SBF2: variants seen among roughly 807,000 people sequenced by gnomAD.
The protein encoded by SBF2 is SET binding factor 2.
Under a neutral mutation model 225.2 loss-of-function variants are expected in SBF2, and 112 were observed. The ratio of observed to expected loss-of-function variants is 0.50; its 90% CI spans 0.43 to 0.58. The LOEUF is 0.58. Ranked by LOEUF, SBF2 falls within the 20% of genes least tolerant of loss-of-function variation. SBF2 has a pLI of 0.00. For synonymous variants in SBF2, 763 were observed against 773.3 expected (o/e 0.99, Z 0.22); for missense variants, 1,996 against 2,206.2 (o/e 0.90, Z 1.91).
Position 9,795,938 on chromosome 11 carries a change from G to T in SBF2, c.4463C>A (p.Thr1488Asn). 6.2e-7 allele frequency: 1 copy of T among 1,613,374 alleles called. No homozygotes were observed. The highest frequency in any genetic ancestry group is 8.5e-7 in the Non-Finnish European group (1 of 1,179,874). The change falls in exon 33 of 40, where the codon ACT becomes AAT. Residue 1488 changes from threonine (T) to asparagine (N), a missense_variant. Thr to Asn is a moderately conservative substitution (Grantham distance 65, BLOSUM62 0). Transcript: ENST00000256190. The stretch of plus-strand genomic sequence containing the variant: ...GTAATAGAGATTGAATTCAAACTCA[G>T]TTGGATACTGGTTGTGAACCTGAAA... ...CVHQVHNQYP[T>N]EFEFNLYYLK...
At chr11:9,996,436 C>A (rs1054966934) in intron 9 of SBF2, among the ~76,000 whole-genome samples, 20 of 152,214 alleles carry the variant, frequency 1.3e-4, no homozygotes, top group African/African-American at 4.6e-4. Context: ...GTCACCCAGG[C>A]TGGAGTGCAG....
chr11:9,798,860 G>C (rs2133878235), intron 32 of SBF2, among the ~76,000 whole-genome samples: 1 of 150,608 alleles, frequency 6.6e-6, no homozygotes, highest in African/African-American at 2.4e-5. Context: ...GCTGAGGCAA[G>C]AGAATGGCAT....
chr11:10,060,310 C>T (rs1460553103), intron 2 of SBF2, among the ~76,000 whole-genome samples: 1 of 152,126 alleles, frequency 6.6e-6, no homozygotes, highest in African/African-American at 2.4e-5. Context: ...GACACATATA[C>T]CCTCCCAAGA....
chr11:9,834,162 G>A (rs1165899580), intron 26 of SBF2, among the ~76,000 whole-genome samples: 12 of 145,178 alleles, frequency 8.3e-5, no homozygotes, highest in Non-Finnish European at 1.5e-4. Flanking sequence ...GTGCGATCTT[G>A]GCTCACTGCA....
At chr11:9,852,864 T>TA (rs987987903) in intron 20 of SBF2, 115 bp from the exon 21 acceptor site, 1 of 811,414 alleles carries the variant, frequency 1.2e-6, no homozygotes, top group Non-Finnish European at 2.1e-6. Context: ...TCAAAAAAGT[T>TA]AAAGAGAATT....
chr11:10,028,677 TA>T, intron 5 of SBF2, 120 bp from the exon 6 acceptor site: 1 of 737,576 alleles, frequency 1.4e-6, no homozygotes, highest in Non-Finnish European at 2.4e-6. Flanking sequence ...AATTAACAGA[TA>T]CAAAAGGCAA....
intron 35 of SBF2, among the ~76,000 whole-genome samples, 179 bp downstream of exon 35, chr11:9,788,928 CTT>C (rs905474832): frequency 6.6e-6 from 1 of 152,130 alleles, no homozygotes; most frequent in Non-Finnish European, 1.5e-5. Context: ...TATTGAGACT[CTT>C]TTCCAGTAGT....
At chr11:9,867,796 C>G (rs1858356997) in intron 17 of SBF2, among the ~76,000 whole-genome samples, 1 of 152,030 alleles carries the variant, frequency 6.6e-6, no homozygotes, top group Admixed American at 6.6e-5. Context: ...TCACACATAT[C>G]TGGGAGCAAA....
chr11:10,213,458 G>A (rs1958013677), intron 1 of SBF2, among the ~76,000 whole-genome samples: 1 of 152,198 alleles, frequency 6.6e-6, no homozygotes, highest in African/African-American at 2.4e-5. Context: ...AATAGATTCA[G>A]CCCAAACTAA....
intron 1 of SBF2, among the ~76,000 whole-genome samples, chr11:10,276,829 G>GA (rs1298759353): frequency 6.6e-6 from 1 of 152,080 alleles, no homozygotes; most frequent in African/African-American, 2.4e-5. Context: ...TAGATCCCAA[G>GA]AAAGTATCTA....
intron 1 of SBF2, among the ~76,000 whole-genome samples, chr11:10,224,352 T>C: frequency 6.6e-6 from 1 of 152,126 alleles, no homozygotes; most frequent in Non-Finnish European, 1.5e-5. Context: ...CCAGCCACCA[T>C]CACTTCTTAT....
intron 6 of SBF2, 68 bp downstream of exon 6, chr11:10,028,384 G>T: frequency 2.0e-6 from 2 of 976,414 alleles, no homozygotes; most frequent in East Asian, 4.8e-5. Flanking sequence ...AGGTGATGTC[G>T]ACTTAAAATA....
At chr11:10,159,573 T>C (rs59107366) in intron 2 of SBF2, among the ~76,000 whole-genome samples, 1,688 of 152,282 alleles carry the variant, frequency 0.011, 38 homozygotes, top group African/African-American at 0.038. Context: ...TCAGCACTCT[T>C]GGCTCACTGG....
At chr11:10,004,582 A>AC (rs1554981717) in intron 6 of SBF2, among the ~76,000 whole-genome samples, 1 of 148,392 alleles carries the variant, frequency 6.7e-6, no homozygotes, top group East Asian at 2.0e-4. Context: ...ATTAAAAAAA[A>AC]AAAAAAAAAA....
chr11:10,057,357 C>A (rs376390301), intron 2 of SBF2, among the ~76,000 whole-genome samples: 3 of 152,288 alleles, frequency 2.0e-5, no homozygotes, highest in East Asian at 3.9e-4. Flanking sequence ...CCCTTGTCAC[C>A]CTTGGACTAA....
intron 16 of SBF2, among the ~76,000 whole-genome samples, chr11:9,954,440 C>T (rs1375659307): frequency 6.6e-6 from 1 of 152,108 alleles, no homozygotes; most frequent in Non-Finnish European, 1.5e-5. Context: ...CTAACAAATC[C>T]CAAGTGGGTG....
At chr11:10,090,379 A>G (rs1384041163) in intron 2 of SBF2, among the ~76,000 whole-genome samples, 3 of 152,350 alleles carry the variant, frequency 2.0e-5, no homozygotes, top group African/African-American at 7.2e-5. Context: ...TAGTGAAGGA[A>G]GAGTTGACAG....
chr11:10,098,597 C>G (rs1229578398), intron 2 of SBF2, among the ~76,000 whole-genome samples: 2 of 150,144 alleles, frequency 1.3e-5, no homozygotes, highest in Non-Finnish European at 3.0e-5. Flanking sequence ...AATTGTTTAA[C>G]AAGCTACAAG....
Position 9,786,444 on chromosome 11 carries a change from C to T in SBF2, c.5038-1126G>A, listed in dbSNP as rs565130495. Among the ~76,000 whole-genome samples the T allele has an allele frequency of 2.0e-5, 3 of 152,262 alleles. No individual in the cohort carries two copies. The South Asian group carries it at 6.2e-4, about 32-fold the overall frequency. On this transcript the variant is annotated intron_variant, in intron 36 of 39. Transcript: ENST00000256190. ...TTCTAACAAAAAAGCATTAAGGCAT[C>T]ACCCACCTGTTGTCTGTCTGATAAC...
Sources: allele counts gnomAD v4.1 joint callset (sites outside exome capture counted in the v4.1 genomes callset), GRCh38; gene constraint gnomAD v4.1.1; transcripts MANE v1.5; gene names NCBI Gene and HGNC (gene_info 2026-07-23, HGNC 2026-07-21).